Variants in FOXN3 observed in about 807,000 individuals in gnomAD.
FOXN3 encodes forkhead box N3, also known as forkhead box protein N3.
Under a neutral mutation model 38.4 loss-of-function variants are expected in FOXN3, and 7 were observed. The observed-to-expected ratio is 0.18, with a 90% CI of 0.10 to 0.34. The LOEUF (loss-of-function observed/expected upper bound fraction) is 0.34. FOXN3 is among the 10% of genes least tolerant of loss of function. FOXN3 has a pLI of 1.00. For missense variants in FOXN3, 456 were observed against 613.4 expected (o/e 0.74, Z 2.71); for synonymous variants, 230 against 242.2 (o/e 0.95, Z 0.47).
At chr14:89,203,176 C>T (rs1389467550) in intron 4 of FOXN3, among the ~76,000 whole-genome samples, 18 of 152,024 alleles carry the variant, frequency 1.2e-4, no homozygotes, top group Admixed American at 1.1e-3. Context: ...AGTTACAGAT[C>T]CCCAGCAATA....
At chr14:89,556,017 T>C (rs1380585274) in intron 1 of FOXN3, among the ~76,000 whole-genome samples, 1 of 152,162 alleles carries the variant, frequency 6.6e-6, no homozygotes, top group African/African-American at 2.4e-5. Context: ...ACTTTCTATT[T>C]ACCTGGCCAG....
At chr14:89,595,434 C>G (rs1248258364) in intron 1 of FOXN3, among the ~76,000 whole-genome samples, 1 of 151,698 alleles carries the variant, frequency 6.6e-6, no homozygotes, top group South Asian at 2.1e-4. Flanking sequence ...ATATAGGGGT[C>G]TTGTTAGATT....
intron 4 of FOXN3, among the ~76,000 whole-genome samples, chr14:89,253,727 C>T (rs1885533038): frequency 6.6e-6 from 1 of 152,204 alleles, no homozygotes; most frequent in South Asian, 2.1e-4. Flanking sequence ...CTCCTCCTCC[C>T]TCTCTAGTCA....
intron 5 of FOXN3, among the ~76,000 whole-genome samples, chr14:89,174,056 C>G (rs546829717): frequency 1.3e-5 from 2 of 151,944 alleles, no homozygotes; most frequent in Non-Finnish European, 2.9e-5. Context: ...ATGAACACTA[C>G]GAAGAATGAT....
intron 3 of FOXN3, among the ~76,000 whole-genome samples, chr14:89,317,609 C>T (rs1887759265): frequency 6.6e-6 from 1 of 152,042 alleles, no homozygotes; most frequent in African/African-American, 2.4e-5. Flanking sequence ...CTTAGAAGCA[C>T]ACCGGATCCT....
chr14:89,593,097 A>G (rs1895991493), intron 1 of FOXN3, among the ~76,000 whole-genome samples: 2 of 133,348 alleles, frequency 1.5e-5, no homozygotes, highest in Non-Finnish European at 1.6e-5. Context: ...AGGAGGAGGA[A>G]GGAAAGAAAG....
chr14:89,312,365 C>A (rs574192251), intron 3 of FOXN3, among the ~76,000 whole-genome samples: 2 of 150,032 alleles, frequency 1.3e-5, no homozygotes, highest in Non-Finnish European at 3.0e-5. Flanking sequence ...CCAATCCACA[C>A]GGGCAAGGGT....
chr14:89,532,087 A>C (rs1185385299), intron 1 of FOXN3, among the ~76,000 whole-genome samples: 1 of 152,154 alleles, frequency 6.6e-6, no homozygotes, highest in Non-Finnish European at 1.5e-5. Flanking sequence ...CTGAATCAGA[A>C]AGTCCGGTGG....
intron 4 of FOXN3, among the ~76,000 whole-genome samples, chr14:89,258,951 T>G (rs1885713023): frequency 6.6e-6 from 1 of 152,188 alleles, no homozygotes; most frequent in African/African-American, 2.4e-5. Flanking sequence ...CACGAACAAC[T>G]CACCAACTCT....
Position 89,590,232 on chromosome 14 carries a change from A to G in FOXN3, c.-15+28796T>C, listed in dbSNP as rs575110635. On this transcript the variant is annotated intron_variant, in intron 1 of 6. Coordinates refer to the FOXN3 transcript ENST00000345097. Reference sequence around the variant, plus strand: ...ATCAATGAATGATTCTTAAGCCTTCATGTTTGCCCTGTAAGCAAACTGAAG... The same window carrying G: ...ATCAATGAATGATTCTTAAGCCTTCGTGTTTGCCCTGTAAGCAAACTGAAG... Among the ~76,000 whole-genome samples the G allele has an allele frequency of 2.2e-4, 34 of 152,312 alleles. No homozygotes were observed. In the South Asian group the frequency reaches 2.5e-3, roughly 11 times the overall value.
intron 1 of FOXN3, among the ~76,000 whole-genome samples, chr14:89,558,388 G>A (rs1308872298): frequency 1.3e-5 from 2 of 152,182 alleles, no homozygotes; most frequent in Non-Finnish European, 2.9e-5. Context: ...AAGGTGACAG[G>A]CAGACCGTCT....
intron 3 of FOXN3, among the ~76,000 whole-genome samples, chr14:89,286,400 A>G (rs1333283408): frequency 2.6e-5 from 4 of 152,096 alleles, no homozygotes; most frequent in Non-Finnish European, 4.4e-5. Flanking sequence ...GGGTGGGGGG[A>G]AAAAGTGGGT....
intron 1 of FOXN3, among the ~76,000 whole-genome samples, chr14:89,480,614 T>G (rs768070019): frequency 7.9e-5 from 12 of 152,176 alleles, no homozygotes; most frequent in Non-Finnish European, 7.4e-5. Context: ...TAAATGTCAT[T>G]TCATATTCCA....
At chr14:89,356,733 T>G (rs1282619985) in intron 2 of FOXN3, among the ~76,000 whole-genome samples, 1 of 152,094 alleles carries the variant, frequency 6.6e-6, no homozygotes, top group Non-Finnish European at 1.5e-5. Context: ...GCCTACTACA[T>G]GCCAGGCACC....
chr14:89,211,237 G>A (rs975446267), intron 4 of FOXN3, among the ~76,000 whole-genome samples: 1 of 152,212 alleles, frequency 6.6e-6, no homozygotes, highest in African/African-American at 2.4e-5. Flanking sequence ...AGCTTTGCAA[G>A]TAAATTCATT....
In FOXN3 at chr14:89,321,348, C is replaced by T. The variant is rs530960802; in HGVS notation, c.680+29324G>A. 1.4e-4 allele frequency among the ~76,000 whole-genome samples: 22 copies of T among 151,982 alleles called. No homozygotes were observed. In the East Asian group the frequency reaches 2.7e-3, roughly 19 times the overall value. On this transcript the variant is annotated intron_variant, in intron 3 of 5. Transcript: ENST00000557258. ...ATCCCAGCACTTTGGGAGGCTGAGA[C>T]GGGTGGATCACGAGGTTGGGAGATG... is the stretch of plus-strand genomic sequence containing the variant.
intron 4 of FOXN3, among the ~76,000 whole-genome samples, chr14:89,215,472 T>C (rs1256482016): frequency 2.0e-5 from 3 of 152,208 alleles, no homozygotes; most frequent in African/African-American, 2.4e-5. Context: ...CACATCATTA[T>C]ATAAAAGGCT....
At chr14:89,462,874 C>T (rs1200734139) in intron 1 of FOXN3, among the ~76,000 whole-genome samples, 1 of 150,518 alleles carries the variant, frequency 6.6e-6, no homozygotes, top group East Asian at 2.0e-4. Context: ...TTAGTAGAGA[C>T]GGGGTTTCAC....
intron 3 of FOXN3, among the ~76,000 whole-genome samples, chr14:89,305,684 T>A (rs778922873): frequency 8.5e-5 from 13 of 152,214 alleles, no homozygotes; most frequent in Non-Finnish European, 1.6e-4. Flanking sequence ...CACTGCTAAA[T>A]CTAGACTAAT....
Sources: allele counts gnomAD v4.1 joint callset (sites outside exome capture counted in the v4.1 genomes callset), GRCh38; gene constraint gnomAD v4.1.1; transcripts MANE v1.5; gene names NCBI Gene and HGNC (gene_info 2026-07-23, HGNC 2026-07-21).